DYSF: variants seen among roughly 807,000 people sequenced by gnomAD.
DYSF encodes the protein dystrophy-associated fer-1-like 1.
Under a neutral mutation model 274.9 loss-of-function variants are expected in DYSF, and 212 were observed. The observed-to-expected ratio is 0.77, with a 90% CI of 0.69 to 0.86. The LOEUF (loss-of-function observed/expected upper bound fraction) is 0.86, where lower values mean the gene tolerates loss of function less well. DYSF is among the 40% of genes least tolerant of loss of function. DYSF has a pLI of 0.00. For synonymous variants in DYSF, 1,091 were observed against 1,078.7 expected (o/e 1.01, Z -0.22); for missense variants, 2,666 against 2,783.2 (o/e 0.96, Z 0.95).
In DYSF at chr2:71,589,770, G is replaced by A. The variant is rs1020257328; in HGVS notation, c.3496+84G>A. 7 of 1,314,090 alleles carry A rather than the reference G, an allele frequency of 5.3e-6. No individual in the cohort carries two copies. The Admixed American group carries it at 6.7e-5, about 13-fold the overall frequency. 81.4% of individuals were successfully genotyped at this position (1,314,090 alleles called of 1,614,324 possible). ...TTTGGATGGAGTTATACGATCAGAT[G>A]TGTATGTGGGGCTCTGGGGAGCTGA... On this transcript the variant is annotated intron_variant, in intron 31 of 55. Coordinates refer to ENST00000410020, the MANE Select transcript of DYSF (RefSeq NM_001130987.2).
intron 24 of DYSF, 95 bp downstream of exon 24, chr2:71,564,308 C>T: frequency 6.6e-7 from 1 of 1,525,986 alleles, no homozygotes; most frequent in Non-Finnish European, 9.1e-7. Flanking sequence ...CTTGACCTAT[C>T]TTAGTTCTTA....
chr2:71,453,926 G>T (rs767846660), exon 1 of DYSF: 1 of 1,469,710 alleles, frequency 6.8e-7, no homozygotes, highest in Admixed American at 1.8e-5. Flanking sequence ...ACCCACAAGC[G>T]GCGCCTCGGC....
At position 71,543,807 on chromosome 2, in the gene DYSF, C is replaced by T. The variant is rs189453791; in HGVS notation, c.1576+4568C>T. On this transcript the variant is annotated intron_variant, in intron 17 of 55. Transcript: ENST00000410020. The stretch of plus-strand genomic sequence containing the variant: ...CGGAGGTTGCAGTGAGCAGAGATGG[C>T]GGCAGTACAGTCCAGCTTCGGCTCG... Among the ~76,000 whole-genome samples, 323 of 152,024 alleles carry T rather than the reference C, an allele frequency of 2.1e-3. 6 individuals are homozygous for T. The East Asian group carries it at 0.052, about 24-fold the overall frequency.
intron 1 of DYSF, among the ~76,000 whole-genome samples, chr2:71,477,412 G>A (rs1056706635): frequency 1.3e-4 from 20 of 152,012 alleles, no homozygotes; most frequent in African/African-American, 3.4e-4. Flanking sequence ...GTAAGTTGCC[G>A]GGCTCTGTCA....
chr2:71,504,607 T>A (rs527805708), intron 4 of DYSF, among the ~76,000 whole-genome samples: 14 of 152,262 alleles, frequency 9.2e-5, no homozygotes, highest in African/African-American at 3.1e-4. Flanking sequence ...GGGACACAGA[T>A]GGAGGGATGA....
chr2:71,509,160 T>C (rs903257008), intron 4 of DYSF, among the ~76,000 whole-genome samples: 1 of 151,096 alleles, frequency 6.6e-6, no homozygotes, highest in Non-Finnish European at 1.5e-5. Flanking sequence ...CCAGCCGTCA[T>C]GAAGTGTTTT....
At chr2:71,619,822 T>C (rs2094051587) in intron 40 of DYSF, among the ~76,000 whole-genome samples, 2 of 152,172 alleles carry the variant, frequency 1.3e-5, no homozygotes, top group Non-Finnish European at 1.5e-5. Flanking sequence ...CGTAGTGGTC[T>C]CTGAACAAGT....
At position 71,598,878 on chromosome 2, in the gene DYSF, T is replaced by C. The variant is rs2303600; in HGVS notation, c.3756+133T>C. ...TCCACGGGCCCTAGAACAATTAAAA[T>C]AATTTTAGAGTCATTAAAAATGGAT... On this transcript the variant is annotated intron_variant, in intron 33 of 55. Coordinates refer to ENST00000410020, the MANE Select transcript of DYSF (RefSeq NM_001130987.2). The C allele has an allele frequency of 0.43, 449,371 of 1,041,970 alleles. 102,166 individuals are homozygous for C. Among genetic ancestry groups the C allele is most frequent in the African/African-American group, 0.68 (42,615 of 62,748 alleles). The allele number at this position is 1,041,970 out of a possible 1,614,324, so 64.5% of individuals were successfully genotyped here.
intron 32 of DYSF, among the ~76,000 whole-genome samples, chr2:71,594,715 C>T (rs2093358944): frequency 6.6e-6 from 1 of 152,188 alleles, no homozygotes; most frequent in African/African-American, 2.4e-5. Flanking sequence ...TTTACCCTTG[C>T]CATGCTTGCG....
chr2:71,668,443 C>T (rs903594207), intron 48 of DYSF, among the ~76,000 whole-genome samples: 10 of 152,164 alleles, frequency 6.6e-5, no homozygotes, highest in South Asian at 2.1e-4. Flanking sequence ...CATAACTGAA[C>T]GGTGCTCTTT....
chr2:71,678,775 T>C (rs1476020654), intron 52 of DYSF, among the ~76,000 whole-genome samples: 1 of 152,164 alleles, frequency 6.6e-6, no homozygotes, highest in Non-Finnish European at 1.5e-5. Flanking sequence ...TGTACATAGA[T>C]GAGTAATTGA....
chr2:71,472,879 T>G (rs532121155), intron 1 of DYSF, among the ~76,000 whole-genome samples: 2 of 152,368 alleles, frequency 1.3e-5, no homozygotes, highest in African/African-American at 4.8e-5. Flanking sequence ...TTGTCATAGA[T>G]GTTTCTAGTA....
intron 30 of DYSF, among the ~76,000 whole-genome samples, chr2:71,588,364 G>A (rs566558696): frequency 5.6e-4 from 86 of 152,244 alleles, no homozygotes; most frequent in Middle Eastern, 3.4e-3. Flanking sequence ...TGTCTAGGGA[G>A]GCTTCTTGGA....
At chr2:71,536,623 G>A (rs776049247) in intron 16 of DYSF, among the ~76,000 whole-genome samples, 2 of 152,226 alleles carry the variant, frequency 1.3e-5, no homozygotes, top group Non-Finnish European at 2.9e-5. Flanking sequence ...GCCCGAGTCC[G>A]GGTGAGCTGT....
chr2:71,654,881 C>G (rs1005677452), intron 42 of DYSF, among the ~76,000 whole-genome samples: 5 of 152,096 alleles, frequency 3.3e-5, no homozygotes, highest in Middle Eastern at 6.8e-3. Flanking sequence ...GAGTTTGAGA[C>G]CAACCTGGGC....
At chr2:71,595,858 C>G (rs971183181) in intron 32 of DYSF, among the ~76,000 whole-genome samples, 1 of 152,192 alleles carries the variant, frequency 6.6e-6, no homozygotes, top group African/African-American at 2.4e-5. Flanking sequence ...CAAAACCCAG[C>G]CCCTCACCTT....
At chr2:71,622,130 G>GTTTTTTTTTTTTTTTTTTTTTTT (rs74263952) in intron 41 of DYSF, among the ~76,000 whole-genome samples, 33 of 97,018 alleles carry the variant, frequency 3.4e-4, no homozygotes, top group Admixed American at 5.0e-4. Flanking sequence ...TGATTTCTTT[G>GTTTTTTTTTTTTTTTTTTTTTTT]TTTTTTTTTT....
intron 21 of DYSF, among the ~76,000 whole-genome samples, chr2:71,554,376 T>C (rs2091190987): frequency 6.6e-6 from 1 of 152,188 alleles, no homozygotes; most frequent in Non-Finnish European, 1.5e-5. Context: ...AAGGAGGGCA[T>C]AGGCTCACTT....
At chr2:71,553,753 TCCCA>T in intron 20 of DYSF, 50 bp from the exon 21 acceptor site, 1 of 567,504 alleles carries the variant, frequency 1.8e-6, no homozygotes, top group Non-Finnish European at 3.0e-6. Flanking sequence ...TAGCACCCCA[TCCCA>T]CCCGCCCTCC....
Sources: allele counts gnomAD v4.1 joint callset (sites outside exome capture counted in the v4.1 genomes callset), GRCh38; gene constraint gnomAD v4.1.1; transcripts MANE v1.5; gene names NCBI Gene and HGNC (gene_info 2026-07-23, HGNC 2026-07-21).